The following SHISA6 variants were observed in gnomAD, a reference collection of about 807,000 sequenced individuals.
The protein encoded by SHISA6 is protein shisa-6.
A neutral mutation model predicts 47.9 loss-of-function variants in SHISA6; 22 were observed. That is an observed-to-expected ratio of 0.46 (90% CI 0.33 to 0.66). The LOEUF (loss-of-function observed/expected upper bound fraction) is 0.66, where lower values mean the gene tolerates loss of function less well. Ranked by LOEUF, SHISA6 falls within the 30% of genes least tolerant of loss-of-function variation. The probability of loss-of-function intolerance (pLI) is 0.02; values close to 1 mark genes in which losing one functional copy is unlikely to be tolerated. For missense variants in SHISA6, 680 were observed against 764.6 expected (o/e 0.89, Z 1.30); for synonymous variants, 388 against 337.8 (o/e 1.15, Z -1.63).
chr17:11,324,207 C>T (rs1390789173), intron 2 of SHISA6, among the ~76,000 whole-genome samples: 2 of 152,172 alleles, frequency 1.3e-5, no homozygotes, highest in Non-Finnish European at 2.9e-5. Flanking sequence ...GTGTGTCAGA[C>T]TGGCACACGT....
intron 3 of SHISA6, among the ~76,000 whole-genome samples, chr17:11,473,278 T>C (rs1054282545): frequency 1.3e-5 from 2 of 152,326 alleles, no homozygotes; most frequent in Admixed American, 1.3e-4. Flanking sequence ...AAGAGTTTTA[T>C]AGTTTGGACT....
chr17:11,486,095 G>A (rs1330580475), intron 3 of SHISA6, among the ~76,000 whole-genome samples: 1 of 152,204 alleles, frequency 6.6e-6, no homozygotes, highest in Non-Finnish European at 1.5e-5. Flanking sequence ...CTACAAATGT[G>A]CTTTGGAGGC....
chr17:11,254,420 A>G (rs1052712717), intron 1 of SHISA6, among the ~76,000 whole-genome samples: 1 of 152,176 alleles, frequency 6.6e-6, no homozygotes, highest in African/African-American at 2.4e-5. Context: ...GAGGAGATGT[A>G]TTTTCCTTGC....
intron 2 of SHISA6, among the ~76,000 whole-genome samples, chr17:11,312,861 T>C (rs1282963493): frequency 6.6e-6 from 1 of 152,080 alleles, no homozygotes; most frequent in Non-Finnish European, 1.5e-5. Context: ...CCTTGTGCAC[T>C]TGTGCAAAAT....
intron 2 of SHISA6, among the ~76,000 whole-genome samples, chr17:11,284,900 C>T (rs1386152356): frequency 6.6e-6 from 1 of 152,216 alleles, no homozygotes; most frequent in Non-Finnish European, 1.5e-5. Flanking sequence ...CTGTCCACCT[C>T]TACTTCTTCT....
chr17:11,347,391 A>G (rs1911736278), intron 2 of SHISA6, among the ~76,000 whole-genome samples: 3 of 152,296 alleles, frequency 2.0e-5, no homozygotes, highest in Middle Eastern at 6.8e-3. Flanking sequence ...ATATGTGAGA[A>G]TCATTCTCTA....
intron 3 of SHISA6, among the ~76,000 whole-genome samples, chr17:11,468,602 A>T (rs1567613818): frequency 6.6e-6 from 1 of 152,186 alleles, no homozygotes; most frequent in Non-Finnish European, 1.5e-5. Context: ...CACAAGGGCT[A>T]GTCCAAGCCC....
intron 3 of SHISA6, among the ~76,000 whole-genome samples, chr17:11,452,967 C>CCTCCTCTTCTT (rs1915444880): frequency 6.7e-6 from 1 of 149,724 alleles, no homozygotes; most frequent in East Asian, 2.0e-4. Context: ...ATCCTCTTCT[C>CCTCCTCTTCTT]CTCCTCTTCT....
chr17:11,425,029 T>A (rs1423073556), intron 3 of SHISA6, among the ~76,000 whole-genome samples: 45 of 129,078 alleles, frequency 3.5e-4, no homozygotes, highest in East Asian at 1.4e-3. Flanking sequence ...AAAAAAAAAA[T>A]GAGGAAATAA....
chr17:11,520,174 C>G (rs1008895602), intron 3 of SHISA6, among the ~76,000 whole-genome samples: 2 of 152,182 alleles, frequency 1.3e-5, no homozygotes, highest in African/African-American at 4.8e-5. Flanking sequence ...GACATCAACA[C>G]TTAGATGTTC....
chr17:11,519,066 C>T (rs940345535), intron 3 of SHISA6, among the ~76,000 whole-genome samples: 4 of 152,176 alleles, frequency 2.6e-5, no homozygotes, highest in African/African-American at 9.7e-5. Flanking sequence ...GAAAGCTTGT[C>T]CTCTTCCCCT....
chr17:11,432,826 A>G (rs950908448), intron 3 of SHISA6, among the ~76,000 whole-genome samples: 2 of 152,152 alleles, frequency 1.3e-5, no homozygotes, highest in Non-Finnish European at 2.9e-5. Context: ...GTATGATTCC[A>G]TTCATATGAA....
At chr17:11,479,640 A>C (rs1588727) in intron 3 of SHISA6, among the ~76,000 whole-genome samples, 29,281 of 152,046 alleles carry the variant, frequency 0.19, 2,973 homozygotes, top group Middle Eastern at 0.29. Flanking sequence ...AAAAGAAAAA[A>C]AAGAAGAAAA....
chr17:11,381,597 A>G (rs1258682541), intron 3 of SHISA6, among the ~76,000 whole-genome samples: 1 of 152,196 alleles, frequency 6.6e-6, no homozygotes, highest in Non-Finnish European at 1.5e-5. Context: ...CAGAGTGGAA[A>G]GAGAGAGGAT....
At chr17:11,252,949 A>T (rs1205932821) in intron 1 of SHISA6, among the ~76,000 whole-genome samples, 2 of 152,228 alleles carry the variant, frequency 1.3e-5, no homozygotes, top group African/African-American at 4.8e-5. Context: ...GAGACTATTT[A>T]TGCAATGGGA....
At chr17:11,482,194 T>C (rs1916238760) in intron 3 of SHISA6, among the ~76,000 whole-genome samples, 1 of 152,216 alleles carries the variant, frequency 6.6e-6, no homozygotes, top group Non-Finnish European at 1.5e-5. Flanking sequence ...CCAGGCACAA[T>C]TAATTAAAAG....
chr17:11,397,621 C>T (rs553866407), intron 3 of SHISA6, among the ~76,000 whole-genome samples: 3 of 151,890 alleles, frequency 2.0e-5, no homozygotes, highest in African/African-American at 7.2e-5. Context: ...TCTAGGTTCA[C>T]ACCTTCTTTT....
chr17:11,267,404 A>G (rs1158517632), intron 2 of SHISA6, among the ~76,000 whole-genome samples: 1 of 152,180 alleles, frequency 6.6e-6, no homozygotes, highest in Non-Finnish European at 1.5e-5. Flanking sequence ...CACATGATGA[A>G]GTTGAAGAAG....
intron 3 of SHISA6, among the ~76,000 whole-genome samples, chr17:11,469,681 G>A (rs1246051939): frequency 2.0e-5 from 3 of 152,056 alleles, no homozygotes; most frequent in Non-Finnish European, 1.5e-5. Context: ...TGAAGCACTG[G>A]GCTTTCCCCC....
Sources: gnomAD v4.1 joint callset for allele counts (sites outside exome capture counted in the v4.1 genomes callset) on GRCh38, gnomAD v4.1.1 for gene constraint, MANE v1.5 for transcripts, NCBI Gene and HGNC (gene_info 2026-07-23, HGNC 2026-07-21) for gene names.